PDE4D: variants seen among roughly 807,000 people sequenced by gnomAD.
PDE4D encodes phosphodiesterase 4D.
Under a neutral mutation model 87.4 loss-of-function variants are expected in PDE4D, and 24 were observed. The ratio of observed to expected loss-of-function variants is 0.27; its 90% CI spans 0.20 to 0.39. PDE4D has a LOEUF of 0.39. Among genes scored for constraint, PDE4D ranks in the 10% least tolerant of loss-of-function variants. The pLI is 1.00. For synonymous variants in PDE4D, 384 were observed against 383.2 expected, an observed-to-expected ratio of 1.00 and a Z score of -0.02; for missense variants, 714 against 1,041.0, an observed-to-expected ratio of 0.69 and a Z score of 4.32.
At chr5:59,610,441 G>A (rs574342763) in intron 1 of PDE4D, among the ~76,000 whole-genome samples, 3 of 152,062 alleles carry the variant, frequency 2.0e-5, no homozygotes, top group Non-Finnish European at 4.4e-5. Context: ...GCATTATATG[G>A]TTCCACCTTG....
intron 1 of PDE4D, among the ~76,000 whole-genome samples, chr5:60,221,735 C>T (rs1744518834): frequency 6.6e-6 from 1 of 152,048 alleles, no homozygotes; most frequent in Admixed American, 6.6e-5. Context: ...TTCTTTCACT[C>T]AGAATAATAT....
intron 1 of PDE4D, chr5:59,768,476 C>T: frequency 6.3e-7 from 1 of 1,598,408 alleles, no homozygotes; most frequent in Non-Finnish European, 8.5e-7. Flanking sequence ...ACTTCAGGTA[C>T]TGTTAAAGTG....
chr5:59,359,584 G>T (rs149086789), intron 1 of PDE4D, among the ~76,000 whole-genome samples: 8 of 152,186 alleles, frequency 5.3e-5, no homozygotes, highest in Admixed American at 5.2e-4. Context: ...TCACAGACAT[G>T]AGAATTTAGA....
At position 59,616,918 on chromosome 5, in the gene PDE4D, CATATATATATATAT is replaced by C. The variant is rs55821264; in HGVS notation, c.455+276236_455+276249del. Among the ~76,000 whole-genome samples the C allele has an allele frequency of 1.1e-3, 72 of 62,910 alleles. 3 individuals carry two copies. The East Asian group carries it at 0.029, about 25-fold the overall frequency. The allele number at this position is 62,910 out of a possible 152,430, so 41.3% of individuals were successfully genotyped here. On this transcript the variant is annotated intron_variant, in intron 1 of 14. Coordinates refer to ENST00000340635, the MANE Select transcript of PDE4D (RefSeq NM_001104631.2). Reference sequence around the variant, plus strand: ...GTGTATTACTTAGACCTAATAATTACATATATATATATATATATATATATATATCTCCAAGATTT... The same window carrying C: ...GTGTATTACTTAGACCTAATAATTACATATATATATATATCTCCAAGATTT...
At chr5:59,920,098 G>A (rs1225337188) in intron 3 of PDE4D, among the ~76,000 whole-genome samples, 1 of 152,102 alleles carries the variant, frequency 6.6e-6, no homozygotes, top group Non-Finnish European at 1.5e-5. Flanking sequence ...CCCTAATGTT[G>A]TGCTAGCAAT....
intron 1 of PDE4D, among the ~76,000 whole-genome samples, chr5:60,416,205 A>G (rs969614149): frequency 3.3e-5 from 5 of 152,148 alleles, no homozygotes; most frequent in South Asian, 2.1e-4. Flanking sequence ...AAACAGACCA[A>G]TCAGCTCTCT....
chr5:59,524,615 C>T (rs1023000359), intron 1 of PDE4D, among the ~76,000 whole-genome samples: 1 of 152,170 alleles, frequency 6.6e-6, no homozygotes, highest in Non-Finnish European at 1.5e-5. Context: ...AATGAGATGC[C>T]AAATGTTAAT....
chr5:60,379,374 A>G (rs1761684027), intron 1 of PDE4D, among the ~76,000 whole-genome samples: 1 of 152,120 alleles, frequency 6.6e-6, no homozygotes, highest in Non-Finnish European at 1.5e-5. Flanking sequence ...TTTTAGCCGC[A>G]AGAGTTACTT....
At chr5:59,663,623 T>C (rs1485105409) in intron 1 of PDE4D, among the ~76,000 whole-genome samples, 2 of 152,214 alleles carry the variant, frequency 1.3e-5, no homozygotes, top group Admixed American at 6.5e-5. Context: ...ACAATTATAA[T>C]AATTGTTTCT....
At chr5:59,329,354 A>T (rs1776298567) in intron 1 of PDE4D, among the ~76,000 whole-genome samples, 1 of 152,190 alleles carries the variant, frequency 6.6e-6, no homozygotes, top group Non-Finnish European at 1.5e-5. Flanking sequence ...ATTTGCTAGG[A>T]AACCCCCAAC....
At chr5:59,988,782 T>A (rs1762705935) in intron 2 of PDE4D, 12 of 858,164 alleles carry the variant, frequency 1.4e-5, no homozygotes, top group Non-Finnish European at 2.0e-5. Context: ...CATTACATAA[T>A]GGCTTAATAC....
At chr5:59,197,957 CCTACTTGG>C (rs1370890715) in intron 2 of PDE4D, among the ~76,000 whole-genome samples, 2 of 152,120 alleles carry the variant, frequency 1.3e-5, no homozygotes, top group Non-Finnish European at 2.9e-5. Flanking sequence ...GCTTCCTAGG[CCTACTTGG>C]CTAAATATTT....
At chr5:59,058,680 A>G (rs1035358164) in intron 5 of PDE4D, among the ~76,000 whole-genome samples, 11 of 151,866 alleles carry the variant, frequency 7.2e-5, no homozygotes, top group Non-Finnish European at 1.3e-4. Flanking sequence ...GGGGCTTTCC[A>G]CTATGGAGGC....
At chr5:60,279,802 C>T (rs1689411205) in intron 1 of PDE4D, among the ~76,000 whole-genome samples, 1 of 151,770 alleles carries the variant, frequency 6.6e-6, no homozygotes, top group Non-Finnish European at 1.5e-5. Flanking sequence ...CTGCCTCAGC[C>T]TCCTGAGTAG....
At chr5:60,395,281 G>T (rs571643809) in intron 1 of PDE4D, among the ~76,000 whole-genome samples, 155 of 149,420 alleles carry the variant, frequency 1.0e-3, no homozygotes, top group African/African-American at 3.8e-3. Flanking sequence ...TAATTATTCT[G>T]AGGTCTTTTT....
chr5:60,136,977 T>C (rs6872268), intron 2 of PDE4D, among the ~76,000 whole-genome samples: 112,684 of 152,050 alleles, frequency 0.74, 43,124 homozygotes, highest in African/African-American at 0.91. Context: ...TCCTACCCTC[T>C]GAAAGGCCCC....
intron 2 of PDE4D, among the ~76,000 whole-genome samples, chr5:60,028,670 C>T (rs1485371219): frequency 1.3e-5 from 2 of 152,126 alleles, no homozygotes; most frequent in African/African-American, 2.4e-5. Flanking sequence ...CCTCAACTGC[C>T]TCTTTCCTCC....
intron 1 of PDE4D, among the ~76,000 whole-genome samples, chr5:59,411,996 C>T (rs995600758): frequency 2.6e-5 from 4 of 152,214 alleles, no homozygotes; most frequent in Non-Finnish European, 5.9e-5. Context: ...TTGCAAGGTT[C>T]TTGGTTTATC....
intron 2 of PDE4D, among the ~76,000 whole-genome samples, chr5:60,134,457 A>G (rs1399258872): frequency 6.6e-6 from 1 of 152,184 alleles, no homozygotes; most frequent in Non-Finnish European, 1.5e-5. Flanking sequence ...CTGAGCTACA[A>G]TCACACCACT....
Sources: gnomAD v4.1 joint callset for allele counts (sites outside exome capture counted in the v4.1 genomes callset) on GRCh38, gnomAD v4.1.1 for gene constraint, MANE v1.5 for transcripts, NCBI Gene and HGNC (gene_info 2026-07-23, HGNC 2026-07-21) for gene names.